The following MTM1 variants were observed in gnomAD, a reference collection of about 807,000 sequenced individuals.
MTM1 encodes myotubularin 1.
MTM1 carries 9 observed loss-of-function variants against 52.1 expected under a neutral mutation model. The ratio of observed to expected loss-of-function variants is 0.17; its 90% CI spans 0.10 to 0.30. The LOEUF (loss-of-function observed/expected upper bound fraction) is 0.30. Among genes scored for constraint, MTM1 ranks in the 10% least tolerant of loss-of-function variants. The pLI is 1.00. For synonymous variants in MTM1, 136 were observed against 163.8 expected (o/e 0.83, Z 1.29); for missense variants, 277 against 470.7 (o/e 0.59, Z 3.81).
upstream of MTM1, among the ~76,000 whole-genome samples, chrX:150,565,336 C>A (rs2038248751): frequency 8.9e-6 from 1 of 112,272 alleles, no homozygotes; most frequent in Non-Finnish European, 1.9e-5. Context: ...ATTTCTGGGA[C>A]CTGAATCAGG....
chrX:150,632,658 G>A (rs113612384), intron 6 of MTM1, among the ~76,000 whole-genome samples: 1,151 of 111,146 alleles, frequency 0.01, 9 homozygotes, highest in African/African-American at 0.036. Context: ...TTGAAGTGGG[G>A]CAATGGACAG....
intron 1 of MTM1, among the ~76,000 whole-genome samples, chrX:150,579,201 C>T (rs782780663): frequency 5.4e-5 from 6 of 110,223 alleles, no homozygotes; most frequent in East Asian, 2.9e-4. Context: ...ATTACAGGCA[C>T]CCGCCACCAC....
intron 4 of MTM1, among the ~76,000 whole-genome samples, chrX:150,607,302 T>G (rs2039186374): frequency 9.0e-6 from 1 of 111,179 alleles, no homozygotes; most frequent in Admixed American, 9.5e-5. Context: ...CCAAGTATCT[T>G]TATTTGAAAA....
At chrX:150,608,861 G>A (rs1242429721) in intron 4 of MTM1, among the ~76,000 whole-genome samples, 1 of 110,354 alleles carries the variant, frequency 9.1e-6, no homozygotes, top group Non-Finnish European at 1.9e-5. Flanking sequence ...ATGAAGTCTC[G>A]CTCTTGTCCC....
intron 1 of MTM1, among the ~76,000 whole-genome samples, chrX:150,577,486 G>T (rs2038493960): frequency 8.9e-6 from 1 of 112,385 alleles, no homozygotes; most frequent in African/African-American, 3.2e-5. Flanking sequence ...GTGTATAATG[G>T]TATCTCATTG....
chrX:150,588,667 G>A (rs782131044), intron 1 of MTM1, among the ~76,000 whole-genome samples: 1 of 111,650 alleles, frequency 9.0e-6, no homozygotes, highest in Non-Finnish European at 1.9e-5. Flanking sequence ...GTACTGGGAC[G>A]GCTGTACCTT....
At chrX:150,594,064 T>G (rs377560911) in intron 2 of MTM1, among the ~76,000 whole-genome samples, 9 of 110,171 alleles carry the variant, frequency 8.2e-5, no homozygotes, top group African/African-American at 3.0e-4. Flanking sequence ...TTGAGGGGAG[T>G]TCTTATTGAT....
intron 5 of MTM1, among the ~76,000 whole-genome samples, chrX:150,617,432 C>T (rs1182390867): frequency 1.8e-5 from 2 of 112,091 alleles, no homozygotes; most frequent in Admixed American, 9.4e-5. Flanking sequence ...TTTAACTGTT[C>T]ATTTCATCAC....
At chrX:150,632,474 G>T (rs144633075) in intron 6 of MTM1, among the ~76,000 whole-genome samples, 1,126 of 111,811 alleles carry the variant, frequency 0.01, 13 homozygotes, top group African/African-American at 0.035. Context: ...ATCTGAAGGT[G>T]AAGGGAGCCA....
intron 3 of MTM1, among the ~76,000 whole-genome samples, chrX:150,598,365 G>C (rs1557412652): frequency 8.9e-6 from 1 of 112,029 alleles, no homozygotes; most frequent in Non-Finnish European, 1.9e-5. Flanking sequence ...GCTCAGGGAA[G>C]CACTGTTAGT....
intron 10 of MTM1, among the ~76,000 whole-genome samples, chrX:150,651,784 G>A (rs1292722974): frequency 1.8e-5 from 2 of 111,294 alleles, no homozygotes; most frequent in African/African-American, 3.3e-5. Context: ...AAAGATCAGA[G>A]GACTTTGAGT....
intron 10 of MTM1, among the ~76,000 whole-genome samples, chrX:150,654,992 T>C (rs2040085804): frequency 8.9e-6 from 1 of 111,799 alleles, no homozygotes; most frequent in African/African-American, 3.3e-5. Flanking sequence ...TGTGAAATGG[T>C]ACAACCACTT....
Position 150,671,473 on chromosome X carries a change from C to T in MTM1, c.1690C>T (p.Arg564Cys), listed in dbSNP as rs782803138. 5 of 1,208,860 alleles carry T rather than the reference C, an allele frequency of 4.1e-6. No individual in the cohort carries two copies. The highest frequency in any genetic ancestry group is 1.8e-5 in the South Asian group (1 of 56,744). The part of the protein sequence containing the change: ...EQRYMELLAL[R>C]DEYIKRLEEL... ...GCGTTACATGGAGCTCTTAGCCTTA[C>T]GCGACGAATACATAAAGCGGCTTGA... Residue 564 changes from arginine to cysteine, a missense_variant, in exon 15 of 15, where the codon CGC becomes TGC. Around this residue, in one of 4 missense-constraint regions of MTM1, gnomAD observed 51 missense variants for 52.2 expected, o/e 0.98. Transcript: ENST00000370396.
At chrX:150,617,139 G>A (rs2039399750) in intron 5 of MTM1, among the ~76,000 whole-genome samples, 1 of 112,711 alleles carries the variant, frequency 8.9e-6, no homozygotes, top group African/African-American at 3.2e-5. Context: ...TTAATCAGAT[G>A]GCAAAAAGAA....
intron 6 of MTM1, among the ~76,000 whole-genome samples, chrX:150,627,812 G>A (rs990913045): frequency 8.9e-6 from 1 of 111,804 alleles, no homozygotes; most frequent in African/African-American, 3.3e-5. Context: ...GAGGATTTGT[G>A]TTTCTTTCTG....
At chrX:150,666,039 G>C (rs1419444128) in intron 14 of MTM1, among the ~76,000 whole-genome samples, 1 of 112,191 alleles carries the variant, frequency 8.9e-6, no homozygotes, top group Non-Finnish European at 1.9e-5. Flanking sequence ...TGTGGCATTT[G>C]TTTCAGTCAT....
chrX:150,670,825 C>G (rs781861749), intron 14 of MTM1, among the ~76,000 whole-genome samples: 1 of 111,432 alleles, frequency 9.0e-6, no homozygotes, highest in African/African-American at 3.3e-5. Flanking sequence ...AACACACTAC[C>G]GAGGAGCCCT....
intron 14 of MTM1, among the ~76,000 whole-genome samples, chrX:150,668,942 T>G (rs947141069): frequency 1.7e-4 from 19 of 110,518 alleles, no homozygotes; most frequent in African/African-American, 6.3e-4. Context: ...GGGATACATG[T>G]GCAGAACGTG....
chrX:150,655,584 G>A (rs933689282), intron 10 of MTM1, among the ~76,000 whole-genome samples: 1 of 111,945 alleles, frequency 8.9e-6, no homozygotes, highest in Admixed American at 9.5e-5. Context: ...GTACTGATTC[G>A]TGCTACAACA....
Sources: allele counts gnomAD v4.1 joint callset (sites outside exome capture counted in the v4.1 genomes callset), GRCh38; gene constraint gnomAD v4.1.1; regional missense constraint gnomAD v4.1.1; transcripts MANE v1.5; gene names NCBI Gene and HGNC (gene_info 2026-07-23, HGNC 2026-07-21).